The following MATR3 variants were observed in gnomAD, a reference collection of about 807,000 sequenced individuals.
The protein encoded by MATR3 is matrin-3.
MATR3 carries 4 observed loss-of-function variants against 85.5 expected under a neutral mutation model. The observed-to-expected ratio is 0.05, with a 90% CI of 0.02 to 0.11. The LOEUF (loss-of-function observed/expected upper bound fraction) is 0.11. MATR3 is among the 10% of genes least tolerant of loss of function. The pLI is 1.00. For missense variants in MATR3, 685 were observed against 1,016.1 expected (o/e 0.67, Z 4.43); for synonymous variants, 336 against 343.1 (o/e 0.98, Z 0.23).
chr5:139,308,423 G>C, intron 2 of MATR3, 96 bp downstream of exon 2: 1 of 1,441,870 alleles, frequency 6.9e-7, no homozygotes, highest in Non-Finnish European at 9.7e-7. Context: ...ATGACATTGA[G>C]TTGATCAAGC....
intron 2 of MATR3, among the ~76,000 whole-genome samples, chr5:139,276,537 A>C (rs1201945937): frequency 6.6e-6 from 1 of 152,350 alleles, no homozygotes; most frequent in South Asian, 2.1e-4. Context: ...ATTAAGGTTT[A>C]ATCTGTGAGA....
intron 4 of MATR3, 103 bp from the exon 5 acceptor site, chr5:139,315,973 G>C: frequency 1.1e-6 from 1 of 906,722 alleles, no homozygotes; most frequent in Non-Finnish European, 1.9e-6. Flanking sequence ...CTGAAAGATT[G>C]AAGTGGTTGT....
intron 1 of MATR3, among the ~76,000 whole-genome samples, chr5:139,302,108 C>T (rs1451874904): frequency 6.6e-6 from 1 of 152,180 alleles, no homozygotes; most frequent in Non-Finnish European, 1.5e-5. Context: ...ATGACACATG[C>T]TACTTTACCA....
At chr5:139,278,990 T>G in intron 2 of MATR3, 1 of 516,154 alleles carries the variant, frequency 1.9e-6, no homozygotes, top group Non-Finnish European at 3.9e-6. Flanking sequence ...TTTTTCTGTT[T>G]GCAGAAAAAG....
rs146710764 is a variant in MATR3, at chr5:139,295,985, A to G, written c.-178+2180A>G. The stretch of plus-strand genomic sequence containing the variant: ...ATCACAGGCGCGCGCCACCACACCA[A>G]GCTAATTTTTTGATCGTCTGTAGAG... On this transcript the variant is annotated intron_variant, in intron 1 of 14. Transcript: ENST00000394805. Among the ~76,000 whole-genome samples, 4 of 152,070 alleles carry G rather than the reference A, an allele frequency of 2.6e-5. No individual in the cohort carries two copies. In the East Asian group the frequency reaches 5.8e-4, roughly 22 times the overall value.
At chr5:139,298,020 A>T (rs1009848681) in intron 1 of MATR3, among the ~76,000 whole-genome samples, 1 of 152,242 alleles carries the variant, frequency 6.6e-6, no homozygotes, top group African/African-American at 2.4e-5. Flanking sequence ...GTGGGCCAGC[A>T]GTAAATGCAG....
At chr5:139,293,713 G>A (rs1015460852), upstream of MATR3, 4 of 345,430 alleles carry the variant, frequency 1.2e-5, no homozygotes, top group Non-Finnish European at 2.1e-5. Flanking sequence ...GCCGCTTCTC[G>A]CCAGCGCCGT....
chr5:139,319,061 A>T, intron 8 of MATR3, 28 bp downstream of exon 8: 1 of 1,590,528 alleles, frequency 6.3e-7, no homozygotes, highest in Non-Finnish European at 8.6e-7. Flanking sequence ...CAAGCTGTAT[A>T]TCAGTTTAAC....
intron 10 of MATR3, 69 bp from the exon 11 acceptor site, chr5:139,322,394 A>G (rs1755617294): frequency 7.2e-7 from 1 of 1,386,844 alleles, no homozygotes; most frequent in East Asian, 2.3e-5. Flanking sequence ...ATTGTCTCCA[A>G]TTATTAATTC....
At chr5:139,318,709 T>C (rs1344826175) in intron 7 of MATR3, among the ~76,000 whole-genome samples, 199 bp from the exon 8 acceptor site, 2 of 152,278 alleles carry the variant, frequency 1.3e-5, no homozygotes, top group Non-Finnish European at 2.9e-5. Flanking sequence ...CCTCCCGAAG[T>C]GTTGGGATTA....
At chr5:139,317,938 T>C (rs921767836) in intron 7 of MATR3, among the ~76,000 whole-genome samples, 3 of 152,218 alleles carry the variant, frequency 2.0e-5, no homozygotes, top group East Asian at 3.8e-4. Flanking sequence ...GTAGTAATTG[T>C]CATTATACTA....
At chr5:139,305,091 T>C (rs534872211) in intron 1 of MATR3, among the ~76,000 whole-genome samples, 1 of 152,362 alleles carries the variant, frequency 6.6e-6, no homozygotes, top group Non-Finnish European at 1.5e-5. Context: ...TTGATGGAGC[T>C]GCATTTTACG....
intron 9 of MATR3, 104 bp downstream of exon 9, chr5:139,319,605 T>G (rs976326663): frequency 9.2e-7 from 1 of 1,092,844 alleles, no homozygotes; most frequent in Non-Finnish European, 1.3e-6. Flanking sequence ...CCCAGCAGTT[T>G]GGGAGGCCAA....
intron 2 of MATR3, chr5:139,313,535 T>C (rs182106999): frequency 6.6e-6 from 1 of 152,316 alleles, no homozygotes; most frequent in East Asian, 1.9e-4. Flanking sequence ...TTGTAACTTC[T>C]CTTTCTTACA....
intron 3 of MATR3, among the ~76,000 whole-genome samples, chr5:139,283,987 A>G (rs142740223): frequency 2.8e-3 from 434 of 152,298 alleles, no homozygotes; most frequent in African/African-American, 1.0e-2. Context: ...ACCATGTTGT[A>G]CCATAGAGCT....
At position 139,329,700 on chromosome 5, in the gene MATR3, A is replaced by C. The variant is rs563125595; in HGVS notation, c.*305A>C. The C allele has an allele frequency of 1.7e-3, 777 of 467,838 alleles. 8 individuals are homozygous for C. Among genetic ancestry groups the C allele is most frequent in the South Asian group, 0.012 (766 of 64,140 alleles). The allele number at this position is 467,838 out of a possible 1,614,324, so 29.0% of individuals were successfully genotyped here. A position where few individuals can be genotyped will look rare whatever the true frequency, so the allele number is the denominator to read the frequency against. On this transcript the variant is annotated 3_prime_UTR_variant, in exon 15 of 15. Coordinates refer to ENST00000394805, the MANE Select transcript of MATR3 (RefSeq NM_018834.6). ...AAGAAAAAAATGTAGAACCATTTGG[A>C]AAAATGAAATTTAGTAGTTCCAAGT...
intron 14 of MATR3, among the ~76,000 whole-genome samples, chr5:139,327,757 G>A (rs1035909391): frequency 6.6e-6 from 1 of 152,044 alleles, no homozygotes; most frequent in Non-Finnish European, 1.5e-5. Flanking sequence ...ATTTTAAGCT[G>A]TTTGGGGTCA....
chr5:139,308,048 T>G lies in MATR3; in HGVS notation c.633T>G (p.Ser211=). The G allele has an allele frequency of 1.2e-6, 2 of 1,614,176 alleles. No homozygotes were observed. Among genetic ancestry groups the G allele is most frequent in the Non-Finnish European group, 1.7e-6 (2 of 1,180,030 alleles). ...ACCATGGAAGTCGTTCTCAAGAATC[T>G]GGTTATTATGACAGAATGGATTATG... The part of the protein sequence containing the change: ...DYDHGSRSQE[S]GYYDRMDYED... The change falls in exon 2 of 15, where the codon TCT becomes TCG. Residue 211 remains serine (S), a synonymous_variant. Transcript: ENST00000394805.
At chr5:139,293,684 T>C (rs1419093404), upstream of MATR3, 3 of 298,876 alleles carry the variant, frequency 1.0e-5, no homozygotes, top group Non-Finnish European at 1.8e-5. Context: ...GGGTTTGTTC[T>C]TGGGCTGCAG....
Sources: allele counts gnomAD v4.1 joint callset (sites outside exome capture counted in the v4.1 genomes callset), GRCh38; gene constraint gnomAD v4.1.1; transcripts MANE v1.5; gene names NCBI Gene and HGNC (gene_info 2026-07-23, HGNC 2026-07-21).